Variants in ANKRD17 observed in about 807,000 individuals in gnomAD.
The protein encoded by ANKRD17 is ankyrin repeat domain 17, also known as ankyrin repeat domain-containing protein 17.
A neutral mutation model predicts 229.7 loss-of-function variants in ANKRD17; 19 were observed. The observed-to-expected ratio is 0.08, with a 90% CI of 0.06 to 0.12. The LOEUF (loss-of-function observed/expected upper bound fraction) is 0.12, where lower values mean the gene tolerates loss of function less well. Among genes scored for constraint, ANKRD17 ranks in the 10% least tolerant of loss-of-function variants. ANKRD17 has a pLI of 1.00. For missense variants in ANKRD17, 2,176 were observed against 3,176.8 expected (o/e 0.68, Z 7.57); for synonymous variants, 1,112 against 1,146.1 (o/e 0.97, Z 0.60).
At position 73,229,465 on chromosome 4, in the gene ANKRD17, T is replaced by C. The variant is rs537184266; in HGVS notation, c.393+28811A>G. Among the ~76,000 whole-genome samples, 18 of 152,262 alleles carry C rather than the reference T, an allele frequency of 1.2e-4. No homozygotes were observed. The South Asian group carries it at 2.7e-3, about 23-fold the overall frequency. On this transcript the variant is annotated intron_variant, in intron 1 of 33. Transcript: ENST00000358602. Reference sequence around the variant, plus strand: ...TTTTAAATCATGTATCCAGATTTATTCTTAGTTCATCATTTCTACTTTTCA... The same window carrying C: ...TTTTAAATCATGTATCCAGATTTATCCTTAGTTCATCATTTCTACTTTTCA...
intron 24 of ANKRD17, among the ~76,000 whole-genome samples, chr4:73,107,618 A>C (rs1276812328): frequency 6.6e-6 from 1 of 152,194 alleles, no homozygotes; most frequent in Non-Finnish European, 1.5e-5. Context: ...CATGAGATGA[A>C]GTTAAGTGAA....
intron 25 of ANKRD17, chr4:73,099,031 C>T (rs755851401): frequency 2.0e-5 from 20 of 991,830 alleles, no homozygotes; most frequent in Non-Finnish European, 3.1e-5. Flanking sequence ...AGGGAGCTGC[C>T]AAGACCCGGA....
In ANKRD17 at chr4:73,179,513, TATATA is replaced by T. The variant is rs1160981563; in HGVS notation, c.394-1985_394-1981del. Among the ~76,000 whole-genome samples the T allele has an allele frequency of 4.8e-3, 480 of 99,944 alleles. 1 individual carries two copies. The highest frequency in any genetic ancestry group is 8.1e-3 in the Non-Finnish European group (391 of 48,270). 65.6% of individuals were successfully genotyped at this position (99,944 alleles called of 152,430 possible). A position where few individuals can be genotyped will look rare whatever the true frequency, so the allele number is the denominator to read the frequency against. On this transcript the variant is annotated intron_variant, in intron 1 of 33. Coordinates refer to ENST00000358602, the MANE Select transcript of ANKRD17 (RefSeq NM_032217.5). ...GTATATATATATATATATATATATA[TATATA>T]TTTTTTTTTTTTTTTTTAAAGAGAC... is the stretch of plus-strand genomic sequence containing the variant.
chr4:73,175,496 A>G (rs1391389430), intron 2 of ANKRD17, among the ~76,000 whole-genome samples: 3 of 152,230 alleles, frequency 2.0e-5, no homozygotes, highest in African/African-American at 7.2e-5. Context: ...AGAATAGCCA[A>G]AGATATCCTG....
chr4:73,192,547 T>C (rs963994528), intron 1 of ANKRD17, among the ~76,000 whole-genome samples: 1 of 152,036 alleles, frequency 6.6e-6, no homozygotes, highest in Non-Finnish European at 1.5e-5. Flanking sequence ...CCCTTCTATA[T>C]TGCTTACCTT....
chr4:73,149,196 G>C, intron 7 of ANKRD17, 146 bp from the exon 8 acceptor site: 1 of 656,766 alleles, frequency 1.5e-6, no homozygotes, highest in Non-Finnish European at 2.6e-6. Context: ...GAGTAAATCA[G>C]TATTTATTAT....
intron 1 of ANKRD17, among the ~76,000 whole-genome samples, chr4:73,178,503 C>G (rs1018778916): frequency 6.6e-6 from 1 of 151,580 alleles, no homozygotes; most frequent in Non-Finnish European, 1.5e-5. Flanking sequence ...ACTTCAAGCA[C>G]GTGGTAGTGA....
chr4:73,090,846 C>G lies in ANKRD17; in HGVS notation c.6782G>C (p.Ser2261Thr), dbSNP rs1301196123. ...FGPFSTLFEN[S>T]PTSAHAFWGG... ...CCAGAAGGCATGAGCAGAAGTAGGG[C>G]TGTTTTCAAACAATGTGCTAAAGGG... Residue 2261 changes from serine (S) to threonine (T), a missense_variant, in exon 29 of 34, where the codon AGC (serine) becomes ACC (threonine). By Grantham distance (58) the Ser-to-Thr change is moderately conservative. Coordinates refer to ENST00000358602, the MANE Select transcript of ANKRD17 (RefSeq NM_032217.5). 41 of 1,614,090 alleles carry G rather than the reference C, an allele frequency of 2.5e-5. No individual in the cohort carries two copies. Among genetic ancestry groups the G allele is most frequent in the Non-Finnish European group, 3.5e-5 (41 of 1,180,046 alleles).
At chr4:73,241,134 TA>T (rs1321204512) in intron 1 of ANKRD17, among the ~76,000 whole-genome samples, 1 of 152,126 alleles carries the variant, frequency 6.6e-6, no homozygotes, top group Admixed American at 6.6e-5. Context: ...TATAAAGATG[TA>T]TATACTGAGC....
intron 16 of ANKRD17, among the ~76,000 whole-genome samples, chr4:73,126,028 T>C (rs1727420898): frequency 1.3e-5 from 2 of 152,292 alleles, no homozygotes; most frequent in Non-Finnish European, 2.9e-5. Context: ...ACAGAAATGA[T>C]TAGCCCAACT....
intron 1 of ANKRD17, among the ~76,000 whole-genome samples, chr4:73,196,004 CTTT>C (rs752128086): frequency 1.7e-3 from 207 of 124,594 alleles, no homozygotes; most frequent in African/African-American, 5.9e-3. Context: ...AACCATGTTT[CTTT>C]TTTTTTTTTT....
intron 11 of ANKRD17, 89 bp downstream of exon 11, chr4:73,144,656 G>T: frequency 2.7e-6 from 2 of 751,138 alleles, no homozygotes; most frequent in Non-Finnish European, 2.0e-6. Flanking sequence ...ATACCCTCTT[G>T]CCTTCAAAAG....
chr4:73,098,659 G>A lies in ANKRD17; in HGVS notation c.4574-139C>T, dbSNP rs916345353. The A allele has an allele frequency of 8.0e-6, 7 of 877,660 alleles. No individual in the cohort carries two copies. In the African/African-American group the frequency reaches 1.2e-4, roughly 15 times the overall value. The allele number at this position is 877,660 out of a possible 1,614,324, so 54.4% of individuals were successfully genotyped here. ...ATGTAAGTTATTCTCACATTCATCG[G>A]TAATGAGCTGGATAGGACTGATATA... On this transcript the variant is annotated intron_variant, in intron 25 of 33. Coordinates refer to ENST00000358602, the MANE Select transcript of ANKRD17 (RefSeq NM_032217.5).
intron 1 of ANKRD17, among the ~76,000 whole-genome samples, chr4:73,238,215 C>T (rs1002197484): frequency 2.6e-5 from 4 of 151,926 alleles, no homozygotes; most frequent in African/African-American, 9.7e-5. Context: ...TTTTCACAAA[C>T]ATTAGGTCAC....
chr4:73,223,202 A>G, intron 1 of ANKRD17: 2 of 515,196 alleles, frequency 3.9e-6, no homozygotes, highest in Non-Finnish European at 6.6e-6. Flanking sequence ...CTCACTGTGT[A>G]TTTTTTAAAG....
intron 10 of ANKRD17, among the ~76,000 whole-genome samples, chr4:73,145,763 T>G (rs1001018750): frequency 6.6e-6 from 1 of 152,190 alleles, no homozygotes; most frequent in East Asian, 1.9e-4. Flanking sequence ...GTTAGTTGTG[T>G]GCTTATGTCT....
intron 2 of ANKRD17, 59 bp downstream of exon 2, chr4:73,177,321 T>C (rs771141665): frequency 5.0e-5 from 69 of 1,384,654 alleles, no homozygotes; most frequent in Non-Finnish European, 6.5e-5. Flanking sequence ...AGAGCTTTTA[T>C]TAGATTGATG....
intron 2 of ANKRD17, among the ~76,000 whole-genome samples, chr4:73,172,003 T>C (rs762497089): frequency 6.6e-6 from 1 of 152,118 alleles, no homozygotes; most frequent in Non-Finnish European, 1.5e-5. Flanking sequence ...AGAAAGTTTA[T>C]AAGGTAAAGG....
At chr4:73,206,778 AG>A (rs1739520676) in intron 1 of ANKRD17, among the ~76,000 whole-genome samples, 1 of 152,218 alleles carries the variant, frequency 6.6e-6, no homozygotes, top group African/African-American at 2.4e-5. Context: ...CATGGTAACT[AG>A]AGTTAATAAC....
Sources: allele counts gnomAD v4.1 joint callset (sites outside exome capture counted in the v4.1 genomes callset), GRCh38; gene constraint gnomAD v4.1.1; transcripts MANE v1.5; gene names NCBI Gene and HGNC (gene_info 2026-07-23, HGNC 2026-07-21).